CLIP3: variants seen among roughly 807,000 people sequenced by gnomAD.
The protein encoded by CLIP3 is CAP-Gly domain containing linker protein 3, also known as CAP-Gly domain-containing linker protein 3.
In CLIP3, 15 loss-of-function variants were observed where a neutral mutation model predicts 59.4. That is an observed-to-expected ratio of 0.25 (90% CI 0.17 to 0.39). The LOEUF (loss-of-function observed/expected upper bound fraction) is 0.39, where lower values mean the gene tolerates loss of function less well. Among genes scored for constraint, CLIP3 ranks in the 10% least tolerant of loss-of-function variants. The probability of loss-of-function intolerance (pLI) is 1.00; values close to 1 mark genes in which losing one functional copy is unlikely to be tolerated. For missense variants in CLIP3, 495 were observed against 765.7 expected, an observed-to-expected ratio of 0.65 and a Z score of 4.17; for synonymous variants, 300 against 321.6, an observed-to-expected ratio of 0.93 and a Z score of 0.72.
At chr19:36,020,126 C>G (rs1161781743) in intron 7 of CLIP3, among the ~76,000 whole-genome samples, 1 of 151,978 alleles carries the variant, frequency 6.6e-6, no homozygotes, top group Non-Finnish European at 1.5e-5. Context: ...GTAGCTCAAG[C>G]CTGTTGTCCC....
At position 36,026,572 on chromosome 19, in the gene CLIP3, G is replaced by T. The variant is rs1466224535; in HGVS notation, c.562+14C>A. ...AGGTCCTTGCCCCCTCCCAGCCAGG[G>T]CTCTCCTCCTCACCTCGCGGCCTCG... On this transcript the variant is annotated intron_variant, in intron 5 of 13. Transcript: ENST00000360535. The surrounding 1 kb of genome is among the most constrained non-coding windows in gnomAD (Gnocchi z 6.3). 2.5e-6 allele frequency: 4 copies of T among 1,612,698 alleles called. No individual in the cohort carries two copies. The East Asian group carries it at 8.9e-5, about 36-fold the overall frequency.
Position 36,026,865 on chromosome 19 carries a change from G to C in CLIP3, c.400+87C>G. 1 of 1,528,786 alleles carries C rather than the reference G, an allele frequency of 6.5e-7. No individual in the cohort carries two copies. The highest frequency in any genetic ancestry group is 1.2e-5 in the South Asian group (1 of 80,736). The allele number at this position is 1,528,786 out of a possible 1,614,324, so 94.7% of individuals were successfully genotyped here. ...GGATCCGAAGCTTCGGGTTCCAGAT[G>C]GGGCCTGAGTTCTGGGTGGTTTTCA... On this transcript the variant is annotated intron_variant, in intron 4 of 13. Coordinates refer to ENST00000360535, the MANE Select transcript of CLIP3 (RefSeq NM_015526.3). The surrounding 1 kb of genome is among the most constrained non-coding windows in gnomAD (Gnocchi z 6.3).
Position 36,032,551 on chromosome 19 carries a change from G to T in CLIP3, c.-58-136C>A. The T allele has an allele frequency of 2.6e-6, 1 of 390,242 alleles. No homozygotes were observed. The highest frequency in any genetic ancestry group is 4.4e-5 in the Admixed American group (1 of 22,476). The allele number at this position is 390,242 out of a possible 1,614,324, so 24.2% of individuals were successfully genotyped here. A position where few individuals can be genotyped will look rare whatever the true frequency, so the allele number is the denominator to read the frequency against. The stretch of plus-strand genomic sequence containing the variant: ...TAGGGACCCCCGTTACCCATAGAGG[G>T]CCCCGGTGTGTGCGCCCAGCGCCTG... On this transcript the variant is annotated intron_variant, in intron 1 of 13. Coordinates refer to ENST00000360535, the MANE Select transcript of CLIP3 (RefSeq NM_015526.3). The surrounding 1 kb of genome is among the most constrained non-coding windows in gnomAD (Gnocchi z 4.3).
intron 7 of CLIP3, 66 bp from the exon 8 acceptor site, chr19:36,019,372 C>A: frequency 6.5e-7 from 1 of 1,549,110 alleles, no homozygotes; most frequent in Non-Finnish European, 8.7e-7. Flanking sequence ...AGTGCCCACA[C>A]ACGGGCAGCA....
At position 36,015,464 on chromosome 19, in the gene CLIP3, G is replaced by C. The variant is rs1968770550; in HGVS notation, c.*694C>G. 6.5e-6 allele frequency: 1 copy of C among 152,860 alleles called. No individual in the cohort carries two copies. The highest frequency in any genetic ancestry group is 6.5e-5 in the Admixed American group (1 of 15,304). 9.5% of individuals were successfully genotyped at this position (152,860 alleles called of 1,614,324 possible). ...TCATACAAGGCACTGGGGGTTTCTT[G>C]AGGGTGCAGAGGGTAGGAAGACTTG... is the stretch of plus-strand genomic sequence containing the variant. On this transcript the variant is annotated 3_prime_UTR_variant, in exon 14 of 14. Coordinates refer to ENST00000360535, the MANE Select transcript of CLIP3 (RefSeq NM_015526.3).
chr19:36,027,007 C>T lies in CLIP3; in HGVS notation c.345G>A (p.Gly115=). ...RRGCHVNDRD[G]LTDMTLLHYA... is the part of the protein sequence containing the mutation. The stretch of plus-strand genomic sequence containing the variant: ...AGTGGAGCAGTGTCATGTCGGTCAG[C>T]CCGTCACGATCGTTCACATGGCAGC... The change falls in exon 4 of 14, where the codon GGG becomes GGA. Residue 115 remains glycine (G), a synonymous_variant. Coordinates refer to ENST00000360535, the MANE Select transcript of CLIP3 (RefSeq NM_015526.3). The T allele has an allele frequency of 6.3e-7, 1 of 1,591,802 alleles. No homozygotes were observed. Among genetic ancestry groups the T allele is most frequent in the Non-Finnish European group, 8.5e-7 (1 of 1,171,704 alleles).
chr19:36,028,107 C>A (rs535756164), intron 2 of CLIP3, among the ~76,000 whole-genome samples: 2 of 152,060 alleles, frequency 1.3e-5, no homozygotes, highest in South Asian at 2.1e-4. Context: ...GAGGCCGGGG[C>A]GGGCGGATCA....
chr19:36,024,946 A>G lies in CLIP3; in HGVS notation c.682-314T>C, dbSNP rs536076431. ...CCGGGTGTGGTGGCGTGTGCCTGTA[A>G]TCCCAGCTACTCGGGAGGCTGAGGC... On this transcript the variant is annotated intron_variant, in intron 6 of 13. Coordinates refer to ENST00000360535, the MANE Select transcript of CLIP3 (RefSeq NM_015526.3). Among the ~76,000 whole-genome samples, 8 of 152,034 alleles carry G rather than the reference A, an allele frequency of 5.3e-5. No individual in the cohort carries two copies. The East Asian group carries it at 7.8e-4, about 15-fold the overall frequency.
intron 7 of CLIP3, among the ~76,000 whole-genome samples, chr19:36,023,849 G>A (rs554586770): frequency 3.9e-5 from 6 of 152,232 alleles, no homozygotes; most frequent in East Asian, 1.9e-4. Flanking sequence ...AAGGGACACC[G>A]GGAAATGAGT....
At chr19:36,019,360 G>A (rs1476800712) in intron 7 of CLIP3, 54 bp from the exon 8 acceptor site, 1 of 1,563,656 alleles carries the variant, frequency 6.4e-7, no homozygotes, top group East Asian at 2.4e-5. Context: ...AGGCCAACGT[G>A]GAGTGCCCAC....
rs376323736 is a variant in CLIP3, at chr19:36,018,890, T to C, written c.1183+8A>G. The C allele has an allele frequency of 1.9e-6, 3 of 1,612,450 alleles. No homozygotes were observed. The highest frequency in any genetic ancestry group is 2.5e-6 in the Non-Finnish European group (3 of 1,179,274). On this transcript the variant is annotated splice_region_variant and intron_variant, in intron 9 of 13. Coordinates refer to ENST00000360535, the MANE Select transcript of CLIP3 (RefSeq NM_015526.3). Reference sequence around the variant, plus strand: ...GGCTCTTCCCACCACAGGGATCCCCTCTCTGACCTTTGTGTTCCCTGCGGC... The same window carrying C: ...GGCTCTTCCCACCACAGGGATCCCCCCTCTGACCTTTGTGTTCCCTGCGGC...
At chr19:36,030,145 T>C (rs1882233013) in intron 2 of CLIP3, among the ~76,000 whole-genome samples, 1 of 152,116 alleles carries the variant, frequency 6.6e-6, no homozygotes, top group Non-Finnish European at 1.5e-5. Context: ...AGCATCGAAT[T>C]CTCAGGCTCA....
At chr19:36,031,023 CTTTT>C (rs55762943) in intron 2 of CLIP3, among the ~76,000 whole-genome samples, 1 of 80,174 alleles carries the variant, frequency 1.2e-5, no homozygotes, top group African/African-American at 4.5e-5. Context: ...TTTTTTTTTT[CTTTT>C]TTTTTTTTTT....
rs766819230 is a variant in CLIP3, at chr19:36,032,211, G to A, written c.147C>T (p.Ala49=). The A allele has an allele frequency of 3.2e-5, 42 of 1,295,188 alleles. No individual in the cohort carries two copies. The African/African-American group carries it at 6.2e-4, about 19-fold the overall frequency. The allele number at this position is 1,295,188 out of a possible 1,614,324, so 80.2% of individuals were successfully genotyped here. ...GGTTACCGTAGTCCTTAGGGAGGGG[G>A]GCAGGTGCCGAGGGGTGCACAACAG... ...QKPVVHPSAP[A]PLPKDYAFTF... Residue 49 remains alanine, a synonymous_variant, in exon 2 of 14, where the codon GCC becomes GCT. Coordinates refer to ENST00000360535, the MANE Select transcript of CLIP3 (RefSeq NM_015526.3). This position sits in a 1 kb window ranked among gnomAD's most constrained non-coding sequence, Gnocchi z 4.3.
chr19:36,018,514 G>A (rs1463351703), intron 9 of CLIP3, among the ~76,000 whole-genome samples: 3 of 151,724 alleles, frequency 2.0e-5, no homozygotes, highest in Admixed American at 6.6e-5. Flanking sequence ...CCCGGGAGGC[G>A]GAGGTTGCGG....
At chr19:36,031,008 C>CTTTTTTTTTTTT (rs374690845) in intron 2 of CLIP3, among the ~76,000 whole-genome samples, 75 of 77,848 alleles carry the variant, frequency 9.6e-4, no homozygotes, top group Middle Eastern at 9.8e-3. Flanking sequence ...TTTTTCTTTT[C>CTTTTTTTTTTTT]TTTTTTTTTT....
At chr19:36,029,591 T>G (rs554658013) in intron 2 of CLIP3, among the ~76,000 whole-genome samples, 46 of 152,054 alleles carry the variant, frequency 3.0e-4, no homozygotes, top group Middle Eastern at 3.4e-3. Flanking sequence ...AGCCCTTTAT[T>G]TATTTATTTA....
Position 36,016,796 on chromosome 19 carries a change from T to C in CLIP3, c.1589+111A>G. The stretch of plus-strand genomic sequence containing the variant: ...TATGCTTACAAGTCACAAGTTTTCC[T>C]AACCTCTCTTTCCAGCCCTGACCAG... On this transcript the variant is annotated intron_variant, in intron 13 of 13. Transcript: ENST00000360535. The surrounding 1 kb of genome is among the most constrained non-coding windows in gnomAD (Gnocchi z 4.1). 8 of 1,160,852 alleles carry C rather than the reference T, an allele frequency of 6.9e-6. No homozygotes were observed. In the South Asian group the frequency reaches 1.1e-4, roughly 16 times the overall value. 71.9% of individuals were successfully genotyped at this position (1,160,852 alleles called of 1,614,324 possible).
rs1467801471 is a variant in CLIP3 at position 36,031,893 on chromosome 19, C to T, written c.166+299G>A. 1.3e-5 allele frequency among the ~76,000 whole-genome samples: 2 copies of T among 152,140 alleles called. 1 individual carries two copies. The highest frequency in any genetic ancestry group is 2.9e-5 in the Non-Finnish European group (2 of 68,040). On this transcript the variant is annotated intron_variant, in intron 2 of 13. Transcript: ENST00000360535. ...AGGGCAAAGACTGGGTCTCTCTTGC[C>T]CCCTGCTGTGGCCCCAGCCCCTAGC...
Sources: gnomAD v4.1 joint callset for allele counts (sites outside exome capture counted in the v4.1 genomes callset) on GRCh38, gnomAD v4.1.1 for gene constraint, Gnocchi (gnomAD v3.1) non-coding constraint, MANE v1.5 for transcripts, NCBI Gene and HGNC (gene_info 2026-07-23, HGNC 2026-07-21) for gene names.